The following RABL3 variants were observed in gnomAD, a reference collection of about 807,000 sequenced individuals.
RABL3 encodes RAB, member of RAS oncogene family like 3, also known as rab-like protein 3.
Under a neutral mutation model 31.8 loss-of-function variants are expected in RABL3, and 31 were observed. That is an observed-to-expected ratio of 0.97 (90% CI 0.73 to 1.31). RABL3 has a LOEUF of 1.31. Among genes scored for constraint, RABL3 ranks in the 40% most tolerant of loss-of-function variants. RABL3 has a pLI of 0.00. For missense variants in RABL3, 263 were observed against 279.6 expected, an observed-to-expected ratio of 0.94 and a Z score of 0.42; for synonymous variants, 97 against 99.9, an observed-to-expected ratio of 0.97 and a Z score of 0.18.
chr3:120,685,293 A>C lies in RABL3; in HGVS notation c.*4530T>G, dbSNP rs1708296346. ...GGACTCCAGGACAGATGTCTCCGAG[A>C]AAAAGATGGAACGGAGAGATTACCT... On this transcript the variant is annotated 3_prime_UTR_variant, in exon 8 of 8. Coordinates refer to ENST00000273375, the MANE Select transcript of RABL3 (RefSeq NM_173825.5). Among the ~76,000 whole-genome samples, 1 of 152,234 alleles carries C rather than the reference A, an allele frequency of 6.6e-6. No individual in the cohort carries two copies. The highest frequency in any genetic ancestry group is 2.1e-4 in the South Asian group (1 of 4,836).
chr3:120,701,322 T>C (rs905024058), intron 4 of RABL3, among the ~76,000 whole-genome samples: 16 of 152,190 alleles, frequency 1.1e-4, no homozygotes, highest in Non-Finnish European at 2.4e-4. Flanking sequence ...TAGGGTTGTT[T>C]CCAAATTTTT....
At chr3:120,706,138 G>T in intron 3 of RABL3, 24 bp from the exon 4 acceptor site, 2 of 1,413,726 alleles carry the variant, frequency 1.4e-6, no homozygotes, top group Non-Finnish European at 2.0e-6. Context: ...AGAAAACAAT[G>T]TTAATCCCTT....
intron 2 of RABL3, among the ~76,000 whole-genome samples, chr3:120,715,271 GCTCATGC>G (rs1266538376): frequency 6.6e-6 from 1 of 152,184 alleles, no homozygotes; most frequent in Non-Finnish European, 1.5e-5. Flanking sequence ...AGGTGTGGTG[GCTCATGC>G]CTATAATCCC....
intron 3 of RABL3, among the ~76,000 whole-genome samples, chr3:120,706,545 T>C (rs1012449939): frequency 1.3e-5 from 2 of 151,750 alleles, no homozygotes; most frequent in Non-Finnish European, 2.9e-5. Flanking sequence ...AGTACATACA[T>C]ATATTACTTA....
chr3:120,720,183 G>A (rs1708720793), intron 2 of RABL3, among the ~76,000 whole-genome samples: 1 of 152,154 alleles, frequency 6.6e-6, no homozygotes, highest in African/African-American at 2.4e-5. Flanking sequence ...AACCTCATCT[G>A]TACATCACCA....
rs1031015261 is a variant in RABL3, at chr3:120,687,235, GA to G, written c.*2587del. 8 of 149,238 alleles carry G rather than the reference GA, an allele frequency of 5.4e-5. No individual in the cohort carries two copies. The highest frequency in any genetic ancestry group is 1.9e-4 in the East Asian group (1 of 5,144). The allele number at this position is 149,238 out of a possible 1,614,324, so 9.2% of individuals were successfully genotyped here. A position where few individuals can be genotyped will look rare whatever the true frequency, so the allele number is the denominator to read the frequency against. On this transcript the variant is annotated 3_prime_UTR_variant, in exon 8 of 8. Coordinates refer to ENST00000273375, the MANE Select transcript of RABL3 (RefSeq NM_173825.5). ...TTGGTCAGACACCGAAATCACAACA[GA>G]AAAAAAAAATCTTTATTTCTACCAA... is the stretch of plus-strand genomic sequence containing the variant.
rs998938525 is a variant in RABL3, at chr3:120,686,712, G to T, written c.*3111C>A. ...AGAAAAGCACACACATTTATTTACT[G>T]TAAGTTTTACATGACAGGAATCTTC... On this transcript the variant is annotated 3_prime_UTR_variant, in exon 8 of 8. Coordinates refer to ENST00000273375, the MANE Select transcript of RABL3 (RefSeq NM_173825.5). 4.6e-5 allele frequency: 7 copies of T among 152,140 alleles called. No individual in the cohort carries two copies. Among genetic ancestry groups the T allele is most frequent in the African/African-American group, 1.7e-4 (7 of 41,440 alleles). 9.4% of individuals were successfully genotyped at this position (152,140 alleles called of 1,614,324 possible).
chr3:120,732,113 A>G (rs1708890623), intron 1 of RABL3, among the ~76,000 whole-genome samples: 1 of 152,194 alleles, frequency 6.6e-6, no homozygotes. Flanking sequence ...TTAATTCCAC[A>G]AGAAAAGTTT....
intron 2 of RABL3, among the ~76,000 whole-genome samples, chr3:120,729,600 A>T (rs1463042158): frequency 6.6e-6 from 1 of 152,176 alleles, no homozygotes; most frequent in East Asian, 1.9e-4. Flanking sequence ...ATTTTGGAAA[A>T]TTTTTACATT....
chr3:120,732,391 C>T (rs1339517188), intron 1 of RABL3, among the ~76,000 whole-genome samples: 2 of 152,066 alleles, frequency 1.3e-5, no homozygotes, highest in Non-Finnish European at 2.9e-5. Flanking sequence ...TCCTAGAGAG[C>T]ACTTAAAACA....
chr3:120,711,705 G>T (rs548038758), intron 2 of RABL3, among the ~76,000 whole-genome samples: 11 of 152,240 alleles, frequency 7.2e-5, no homozygotes, highest in Non-Finnish European at 1.3e-4. Flanking sequence ...ATTAAAGTAT[G>T]CTGGTTCATG....
chr3:120,702,731 G>C (rs1002428969), intron 4 of RABL3, among the ~76,000 whole-genome samples: 1 of 151,936 alleles, frequency 6.6e-6, no homozygotes, highest in Non-Finnish European at 1.5e-5. Flanking sequence ...CTAATCTTTT[G>C]TATTTTTAGT....
At chr3:120,731,021 AC>A (rs1477890529) in intron 1 of RABL3, among the ~76,000 whole-genome samples, 2 of 152,180 alleles carry the variant, frequency 1.3e-5, no homozygotes, top group Admixed American at 6.5e-5. Context: ...GCTGGGCTCC[AC>A]CCCCAGACTT....
intron 4 of RABL3, among the ~76,000 whole-genome samples, chr3:120,702,956 C>T (rs1349639999): frequency 6.6e-6 from 1 of 152,112 alleles, no homozygotes; most frequent in African/African-American, 2.4e-5. Context: ...TGGCCCTGGA[C>T]ATAGGTGCAG....
At chr3:120,737,744 C>T (rs1169004490) in intron 1 of RABL3, among the ~76,000 whole-genome samples, 1 of 152,198 alleles carries the variant, frequency 6.6e-6, no homozygotes, top group Non-Finnish European at 1.5e-5. Flanking sequence ...TTCTAACAGT[C>T]AGGACCCTCA....
chr3:120,731,785 C>G (rs1381337778), intron 1 of RABL3, among the ~76,000 whole-genome samples: 3 of 152,176 alleles, frequency 2.0e-5, no homozygotes, highest in Non-Finnish European at 4.4e-5. Context: ...GGCACGGTGG[C>G]TCACGTCTGT....
At chr3:120,719,375 C>T (rs1708708553) in intron 2 of RABL3, among the ~76,000 whole-genome samples, 1 of 152,148 alleles carries the variant, frequency 6.6e-6, no homozygotes, top group African/African-American at 2.4e-5. Context: ...CACAGCGCAC[C>T]GAGTGTGAGT....
chr3:120,719,560 C>A (rs1708711703), intron 2 of RABL3, among the ~76,000 whole-genome samples: 1 of 152,240 alleles, frequency 6.6e-6, no homozygotes, highest in East Asian at 1.9e-4. Flanking sequence ...GTATCTCGCT[C>A]CTGGCTCGAA....
At position 120,706,071 on chromosome 3, in the gene RABL3, T is replaced by C. The variant is rs555852391; in HGVS notation, c.312A>G (p.Gln104=). 22 of 1,613,860 alleles carry C rather than the reference T, an allele frequency of 1.4e-5. No homozygotes were observed. The East Asian group carries it at 4.5e-4, about 33-fold the overall frequency. The change falls in exon 4 of 8, where the codon CAA becomes CAG. Residue 104 remains glutamine (Q), a synonymous_variant. Transcript: ENST00000273375. ...VHDLTNKKSS[Q]NLRRWSLEAL... ...CTTCCAATGACCAACGACGCAAGTT[T>C]TGGGAGGACTTCTTATTTGTTAAGT...
Sources: allele counts gnomAD v4.1 joint callset (sites outside exome capture counted in the v4.1 genomes callset), GRCh38; gene constraint gnomAD v4.1.1; transcripts MANE v1.5; gene names NCBI Gene and HGNC (gene_info 2026-07-23, HGNC 2026-07-21).